KCNC3: variants seen among roughly 807,000 people sequenced by gnomAD.
KCNC3 encodes potassium voltage-gated channel subfamily C member 3, also known as voltage-gated potassium channel KCNC3.
A neutral mutation model predicts 43.9 loss-of-function variants in KCNC3; 22 were observed. The ratio of observed to expected loss-of-function variants is 0.50; its 90% CI spans 0.36 to 0.72. The LOEUF (loss-of-function observed/expected upper bound fraction) is 0.72, where lower values mean the gene tolerates loss of function less well. KCNC3 is among the 30% of genes least tolerant of loss of function. The pLI, the probability that KCNC3 is intolerant of heterozygous loss-of-function variation, is 0.00. For missense variants in KCNC3, 829 were observed against 1,073.8 expected (o/e 0.77, Z 3.19); for synonymous variants, 492 against 488.0 (o/e 1.01, Z -0.11).
At chr19:50,329,643 G>A (rs1026895061), upstream of KCNC3, 7 of 152,360 alleles carry the variant, frequency 4.6e-5, no homozygotes. Context: ...ACCTGGTGGG[G>A]AGGAGCATTG....
chr19:50,316,960 A>T (rs1021752498), intron 4 of KCNC3, among the ~76,000 whole-genome samples: 1 of 152,020 alleles, frequency 6.6e-6, no homozygotes, highest in African/African-American at 2.4e-5. Context: ...ATTTGAGTTC[A>T]ATGAATGGAT....
rs2037104591 is a variant in KCNC3 at position 50,326,275 on chromosome 19, C to T, written c.870+1938G>A. On this transcript the variant is annotated intron_variant, in intron 1 of 4. Transcript: ENST00000477616. ...ACAGAAGAACTCTAACTTCATCCCGCTCCTCATCTCAGCACCCTTCAATGG... is the reference window on the plus strand; with the variant it reads ...ACAGAAGAACTCTAACTTCATCCCGTTCCTCATCTCAGCACCCTTCAATGG... Among the ~76,000 whole-genome samples the T allele has an allele frequency of 2.6e-5, 4 of 152,366 alleles. No homozygotes were observed. In the South Asian group the frequency reaches 8.3e-4, roughly 32 times the overall value.
upstream of KCNC3, among the ~76,000 whole-genome samples, chr19:50,331,491 CCTT>C (rs1315678922): frequency 2.0e-5 from 3 of 149,616 alleles, 1 homozygote; most frequent in East Asian, 6.0e-4. Flanking sequence ...TTCCCCTCCC[CCTT>C]CTTCTTCCCC....
In KCNC3 at chr19:50,320,638, G is replaced by A. The variant is rs1358018126; in HGVS notation, c.2125C>T (p.Leu709Phe). ...GGGGAAGGGGCATAGTCGGTGAGGA[G>A]GAAGCAGGCTCGGTCCCGGCTATAG... ...GRYSRDRACF[L>F]LTDYAPSPDG... Residue 709 changes from leucine (L) to phenylalanine (F), a missense_variant, in exon 3 of 5, where the codon CTC (leucine) becomes TTC (phenylalanine). Physicochemically the swap from Leu to Phe is conservative, Grantham distance 22 (BLOSUM62 0). Around this residue, in one of 7 missense-constraint regions of KCNC3, gnomAD observed 308 missense variants for 276.2 expected, o/e 1.11. Coordinates refer to ENST00000477616, the MANE Select transcript of KCNC3 (RefSeq NM_004977.3). 2 of 1,613,210 alleles carry A rather than the reference G, an allele frequency of 1.2e-6. No individual in the cohort carries two copies. The highest frequency in any genetic ancestry group is 1.3e-5 in the African/African-American group (1 of 74,976).
Position 50,324,017 on chromosome 19 carries a change from A to T in KCNC3, c.936T>A (p.His312Gln), listed in dbSNP as rs761834898. Residue 312 changes from histidine to glutamine, a missense_variant, in exon 2 of 5, where the codon CAT (histidine) becomes CAA (glutamine). Around this residue, in one of 7 missense-constraint regions of KCNC3, gnomAD observed 157 missense variants for 293.5 expected, o/e 0.53. Transcript: ENST00000477616. This position sits in a 1 kb window ranked among gnomAD's most constrained non-coding sequence, Gnocchi z 4.1. ...ISITTFCLET[H>Q]EGFIHISNKT... Reference sequence around the variant, plus strand: ...TGTTGCTAATATGGATGAAGCCCTCATGGGTTTCCAGGCAGAAGGTGGTGA... The same window carrying T: ...TGTTGCTAATATGGATGAAGCCCTCTTGGGTTTCCAGGCAGAAGGTGGTGA... 6.2e-7 allele frequency: 1 copy of T among 1,609,564 alleles called. No individual in the cohort carries two copies. The highest frequency in any genetic ancestry group is 1.1e-5 in the South Asian group (1 of 90,880).
intron 2 of KCNC3, among the ~76,000 whole-genome samples, chr19:50,321,770 G>A (rs1241167715): frequency 6.6e-6 from 1 of 151,596 alleles, no homozygotes; most frequent in Non-Finnish European, 1.5e-5. Flanking sequence ...ACTCCGTCTT[G>A]GAATAAGAAA....
chr19:50,328,819 G>A lies in KCNC3; in HGVS notation c.264C>T (p.Gly88=), dbSNP rs1019199287. The A allele has an allele frequency of 6.6e-7, 1 of 1,507,250 alleles. No homozygotes were observed. The highest frequency in any genetic ancestry group is 2.7e-5 in the East Asian group (1 of 37,262). 93.4% of individuals were successfully genotyped at this position (1,507,250 alleles called of 1,614,324 possible). ...CGCCGCCCACGTTGATCACGATCTT[G>A]CCGCTGTCGCCACCGCCGCCGCCGT... The part of the protein sequence containing the change: ...GRHGGGGGDS[G]KIVINVGGVR... Residue 88 remains glycine, a synonymous_variant, in exon 1 of 5, where the codon GGC becomes GGT. Transcript: ENST00000477616.
rs1015601094 is a variant in KCNC3 at position 50,324,396 on chromosome 19, C to T, written c.871-314G>A. 1.3e-5 allele frequency among the ~76,000 whole-genome samples: 2 copies of T among 152,210 alleles called. No individual in the cohort carries two copies. The highest frequency in any genetic ancestry group is 2.9e-5 in the Non-Finnish European group (2 of 68,034). ...TGTTTCCTAGACCACCTCCCCCCAC[C>T]CTCCTGTTCCCTGTGTCCTATTTCA... On this transcript the variant is annotated intron_variant, in intron 1 of 4. Transcript: ENST00000477616. The surrounding 1 kb of genome is among the most constrained non-coding windows in gnomAD (Gnocchi z 4.1).
rs1049380095 is a variant in KCNC3 at position 50,314,649 on chromosome 19, G to A, written c.*1466C>T. The A allele has an allele frequency of 1.1e-4, 37 of 352,042 alleles. No homozygotes were observed. The highest frequency in any genetic ancestry group is 6.8e-4 in the African/African-American group (30 of 44,028). The allele number at this position is 352,042 out of a possible 1,614,324, so 21.8% of individuals were successfully genotyped here. On this transcript the variant is annotated 3_prime_UTR_variant, in exon 5 of 5. Coordinates refer to ENST00000477616, the MANE Select transcript of KCNC3 (RefSeq NM_004977.3). ...TTGGGGAGGGAAGAGTTGGGGGGAC[G>A]GGCTGTGGCCCCTCTCTCCATCCTG...
chr19:50,328,275 GCCA>G lies in KCNC3; in HGVS notation c.805_807del (p.Trp269del), dbSNP rs2037130867. The G allele has an allele frequency of 8.5e-7, 1 of 1,182,278 alleles. No homozygotes were observed. Among genetic ancestry groups the G allele is most frequent in the Non-Finnish European group, 1.0e-6 (1 of 957,856 alleles). The allele number at this position is 1,182,278 out of a possible 1,614,324, so 73.2% of individuals were successfully genotyped here. A position where few individuals can be genotyped will look rare whatever the true frequency, so the allele number is the denominator to read the frequency against. On this transcript the variant is annotated inframe_deletion, in exon 1 of 5. Transcript: ENST00000477616. ...GCCCACACGCGGGGCTGCCAGCGGC[GCCA>G]CCATGTGCCGCCCGCGCCGCCCGCG...
intron 1 of KCNC3, among the ~76,000 whole-genome samples, chr19:50,325,682 C>T (rs1233426129): frequency 6.6e-6 from 1 of 152,066 alleles, no homozygotes; most frequent in Non-Finnish European, 1.5e-5. Flanking sequence ...CCGAGCCGGG[C>T]GCGCGGCGCT....
At chr19:50,327,099 C>T (rs604871) in intron 1 of KCNC3, among the ~76,000 whole-genome samples, 1 of 149,352 alleles carries the variant, frequency 6.7e-6, no homozygotes, top group African/African-American at 2.5e-5. Context: ...GACTAGGAAA[C>T]GGGCTGTGGG....
Position 50,320,771 on chromosome 19 carries a change from A to G in KCNC3, c.1992T>C (p.Asn664=). The G allele has an allele frequency of 1.2e-6, 2 of 1,613,764 alleles. No individual in the cohort carries two copies. Among genetic ancestry groups the G allele is most frequent in the Non-Finnish European group, 1.7e-6 (2 of 1,179,910 alleles). Residue 664 remains asparagine (N), a synonymous_variant, in exon 3 of 5, where the codon AAT becomes AAC. Transcript: ENST00000477616. ...IEINRADPRP[N]GDPAAAALAH... ...CAAGCGCAGCTGCTGCCGGATCCCC[A>G]TTGGGGCGAGGATCTGCATCCCAAG...
At chr19:50,332,118 G>A (rs2037196142), upstream of KCNC3, among the ~76,000 whole-genome samples, 1 of 152,196 alleles carries the variant, frequency 6.6e-6, no homozygotes, top group Non-Finnish European at 1.5e-5. The surrounding 1 kb of genome is among the most constrained non-coding windows in gnomAD (Gnocchi z 5.8). Flanking sequence ...CCCCCAGGCA[G>A]AAGCAGAGAA....
chr19:50,326,141 A>G (rs1483705543), intron 1 of KCNC3, among the ~76,000 whole-genome samples: 2 of 152,206 alleles, frequency 1.3e-5, no homozygotes, highest in Non-Finnish European at 2.9e-5. Context: ...CTCTCAAGCC[A>G]TATCACTGGG....
intron 1 of KCNC3, among the ~76,000 whole-genome samples, chr19:50,326,085 C>T (rs2037101721): frequency 6.6e-6 from 1 of 152,098 alleles, no homozygotes; most frequent in Non-Finnish European, 1.5e-5. Context: ...GGGCAGGGGG[C>T]TGTAGGGTCG....
Position 50,324,995 on chromosome 19 carries a change from G to A in KCNC3, c.871-913C>T, listed in dbSNP as rs1373585820. 6.6e-6 allele frequency among the ~76,000 whole-genome samples: 1 copy of A among 152,204 alleles called. No homozygotes were observed. The highest frequency in any genetic ancestry group is 1.5e-5 in the Non-Finnish European group (1 of 68,038). On this transcript the variant is annotated intron_variant, in intron 1 of 4. Coordinates refer to ENST00000477616, the MANE Select transcript of KCNC3 (RefSeq NM_004977.3). The surrounding 1 kb of genome is among the most constrained non-coding windows in gnomAD (Gnocchi z 4.1). The stretch of plus-strand genomic sequence containing the variant: ...GAGAGTCACTGGCCTGGACATTGTG[G>A]GAAAAGGCAGAGCCAGGGCCAAAGA...
rs1320998310 is a variant in KCNC3 at position 50,328,119 on chromosome 19, GA to G, written c.870+93del. The G allele has an allele frequency of 5.3e-6, 5 of 937,524 alleles. No individual in the cohort carries two copies. The African/African-American group carries it at 9.0e-5, about 17-fold the overall frequency. The allele number at this position is 937,524 out of a possible 1,614,324, so 58.1% of individuals were successfully genotyped here. On this transcript the variant is annotated intron_variant, in intron 1 of 4. Transcript: ENST00000477616. ...TCTAGGAGACTGAGAAGCCTAGAGG[GA>G]CCCGGAGGGTTGGAGCTGGGGCGCT...
rs200349179 is a variant in KCNC3, at chr19:50,323,396, G to A, written c.1557C>T (p.Val519=). 89 of 1,614,040 alleles carry A rather than the reference G, an allele frequency of 5.5e-5. No individual in the cohort carries two copies. Among genetic ancestry groups the A allele is most frequent in the East Asian group, 6.7e-5 (3 of 44,890 alleles). Residue 519 remains valine (V), a synonymous_variant, in exon 2 of 5, where the codon GTC becomes GTT. Transcript: ENST00000477616. ...MYPKTWSGML[V]GALCALAGVL... is the part of the protein sequence containing the mutation. ...CCCCCGCCAGGGCACACAGCGCCCCGACCAGCATCCCCGACCACGTCTTGG... is the reference window on the plus strand; with the variant it reads ...CCCCCGCCAGGGCACACAGCGCCCCAACCAGCATCCCCGACCACGTCTTGG...
Sources: gnomAD v4.1 joint callset for allele counts (sites outside exome capture counted in the v4.1 genomes callset) on GRCh38, gnomAD v4.1.1 for gene constraint, gnomAD v4.1.1 regional missense constraint, Gnocchi (gnomAD v3.1) non-coding constraint, MANE v1.5 for transcripts, NCBI Gene and HGNC (gene_info 2026-07-23, HGNC 2026-07-21) for gene names.